CNTNAP5: variants seen among roughly 807,000 people sequenced by gnomAD.
CNTNAP5 encodes the protein contactin associated protein family member 5.
A neutral mutation model predicts 150.2 loss-of-function variants in CNTNAP5; 72 were observed. That is an observed-to-expected ratio of 0.48 (90% confidence interval 0.40 to 0.58). CNTNAP5 has a LOEUF of 0.58. CNTNAP5 is among the 20% of genes least tolerant of loss of function. The probability of loss-of-function intolerance (pLI) is 0.00; values close to 1 mark genes in which losing one functional copy is unlikely to be tolerated. For synonymous variants in CNTNAP5, 672 were observed against 619.8 expected (o/e 1.08, Z -1.25); for missense variants, 1,636 against 1,626.2 (o/e 1.01, Z -0.10).
In CNTNAP5 at chr2:124,772,421, T is replaced by C. The variant is rs149699403; in HGVS notation, c.2534-378T>C. On this transcript the variant is annotated intron_variant, in intron 16 of 23. Coordinates refer to ENST00000682447, the MANE Select transcript of CNTNAP5 (RefSeq NM_001367498.1). Reference sequence around the variant, plus strand: ...AGCACTGGACTTCCCAAGGCCTAAGTCTCCTCCCTGCAGGAGTGGAGCTGC... The same window carrying C: ...AGCACTGGACTTCCCAAGGCCTAAGCCTCCTCCCTGCAGGAGTGGAGCTGC... Among the ~76,000 whole-genome samples the C allele has an allele frequency of 6.6e-3, 1,003 of 152,234 alleles. 9 individuals are homozygous for C. Among genetic ancestry groups the C allele is most frequent in the African/African-American group, 0.022 (918 of 41,552 alleles).
At chr2:124,517,891 G>A (rs896575151) in intron 8 of CNTNAP5, among the ~76,000 whole-genome samples, 1 of 151,490 alleles carries the variant, frequency 6.6e-6, no homozygotes, top group Admixed American at 6.6e-5. Flanking sequence ...GGTGATGGAG[G>A]GTTGTGGTAT....
At chr2:124,870,163 T>C (rs961216641) in intron 21 of CNTNAP5, among the ~76,000 whole-genome samples, 1 of 151,920 alleles carries the variant, frequency 6.6e-6, no homozygotes, top group Non-Finnish European at 1.5e-5. Context: ...ATCTTTTTTT[T>C]TTTCTATTGG....
chr2:124,909,077 G>A (rs190078803), intron 22 of CNTNAP5, among the ~76,000 whole-genome samples: 66 of 152,236 alleles, frequency 4.3e-4, no homozygotes, highest in African/African-American at 1.5e-3. Context: ...TGTAGCCTAA[G>A]AGTAAAGTGT....
chr2:124,688,624 A>G (rs1417882566), intron 13 of CNTNAP5, among the ~76,000 whole-genome samples: 1 of 152,088 alleles, frequency 6.6e-6, no homozygotes, highest in Non-Finnish European at 1.5e-5. Context: ...TGGAAATACT[A>G]TGAGGCTGAG....
intron 7 of CNTNAP5, among the ~76,000 whole-genome samples, chr2:124,500,665 G>A (rs1379305335): frequency 2.0e-5 from 3 of 152,152 alleles, no homozygotes; most frequent in Non-Finnish European, 4.4e-5. Context: ...CCTGGCTAGA[G>A]TTAGATCAAG....
At chr2:124,424,075 G>C (rs978940563) in intron 4 of CNTNAP5, among the ~76,000 whole-genome samples, 1 of 152,206 alleles carries the variant, frequency 6.6e-6, no homozygotes, top group Admixed American at 6.5e-5. Flanking sequence ...GGTCGCCTCT[G>C]TTCCACACAA....
At chr2:124,604,365 T>A (rs1697055172) in intron 11 of CNTNAP5, among the ~76,000 whole-genome samples, 1 of 152,228 alleles carries the variant, frequency 6.6e-6, no homozygotes, top group African/African-American at 2.4e-5. Flanking sequence ...TTTTATATTT[T>A]AAATTTTTTT....
At position 124,858,675 on chromosome 2, in the gene CNTNAP5, G is replaced by A. The variant is rs182772127; in HGVS notation, c.3218-6631G>A. The stretch of plus-strand genomic sequence containing the variant: ...TAAGTTAGTATTTGCAAGCCTCATG[G>A]AAACATTGAGTCAAAAAGCATACAA... On this transcript the variant is annotated intron_variant, in intron 19 of 23. Coordinates refer to ENST00000682447, the MANE Select transcript of CNTNAP5 (RefSeq NM_001367498.1). Among the ~76,000 whole-genome samples the A allele has an allele frequency of 2.9e-3, 435 of 152,238 alleles. 2 individuals are homozygous for A. The highest frequency in any genetic ancestry group is 9.4e-3 in the African/African-American group (392 of 41,536).
chr2:124,810,619 C>T (rs571673225), intron 19 of CNTNAP5, among the ~76,000 whole-genome samples: 7 of 152,178 alleles, frequency 4.6e-5, no homozygotes, highest in East Asian at 3.9e-4. Flanking sequence ...CCTGTCACAA[C>T]GTGGTTCACC....
chr2:124,482,541 C>G (rs893631694), intron 7 of CNTNAP5, among the ~76,000 whole-genome samples: 18 of 152,056 alleles, frequency 1.2e-4, no homozygotes, highest in Non-Finnish European at 2.5e-4. Flanking sequence ...TGGGCAGATC[C>G]GTGAACAGCA....
At chr2:124,247,174 T>C (rs997672109) in intron 3 of CNTNAP5, among the ~76,000 whole-genome samples, 24 of 152,204 alleles carry the variant, frequency 1.6e-4, no homozygotes, top group African/African-American at 5.5e-4. Flanking sequence ...ACGTTGGGCC[T>C]AGAACATCCT....
At chr2:124,065,750 C>A (rs1225559257) in intron 1 of CNTNAP5, among the ~76,000 whole-genome samples, 2 of 152,138 alleles carry the variant, frequency 1.3e-5, no homozygotes, top group East Asian at 1.9e-4. Context: ...AATGTAGCCA[C>A]CTCCTCTCAT....
intron 19 of CNTNAP5, among the ~76,000 whole-genome samples, chr2:124,812,611 T>C (rs1008979292): frequency 2.0e-5 from 3 of 152,324 alleles, no homozygotes; most frequent in African/African-American, 4.8e-5. Context: ...TGATAAAGCT[T>C]TGGTTTCCAC....
intron 13 of CNTNAP5, among the ~76,000 whole-genome samples, chr2:124,663,565 G>A (rs1678636764): frequency 6.6e-6 from 1 of 152,140 alleles, no homozygotes; most frequent in African/African-American, 2.4e-5. Flanking sequence ...AGTAGTTGCA[G>A]AATCCATTTT....
At chr2:124,714,451 A>G (rs1679904403) in intron 13 of CNTNAP5, among the ~76,000 whole-genome samples, 1 of 152,076 alleles carries the variant, frequency 6.6e-6, no homozygotes, top group African/African-American at 2.4e-5. Flanking sequence ...CTAGCCCTTC[A>G]GTTTTGAGTA....
At chr2:124,233,394 T>G (rs1180456573) in intron 2 of CNTNAP5, among the ~76,000 whole-genome samples, 2 of 152,114 alleles carry the variant, frequency 1.3e-5, no homozygotes, top group African/African-American at 4.8e-5. Flanking sequence ...AACCTATGTT[T>G]TCCCAAGTTC....
chr2:124,152,827 C>T (rs187700863), intron 1 of CNTNAP5, among the ~76,000 whole-genome samples: 39 of 152,212 alleles, frequency 2.6e-4, no homozygotes, highest in African/African-American at 4.3e-4. Context: ...TATACTTCTC[C>T]GCTTGGCAAT....
intron 14 of CNTNAP5, among the ~76,000 whole-genome samples, chr2:124,759,849 T>C (rs1230620573): frequency 6.6e-6 from 1 of 151,546 alleles, no homozygotes. Context: ...GACTGTATAT[T>C]TGACCACTCA....
At chr2:124,159,891 A>G (rs941879313) in intron 1 of CNTNAP5, among the ~76,000 whole-genome samples, 4 of 152,318 alleles carry the variant, frequency 2.6e-5, no homozygotes, top group South Asian at 2.1e-4. Flanking sequence ...GGATAAATGC[A>G]TTTGAAGAAG....
Sources: gnomAD v4.1 joint callset for allele counts (sites outside exome capture counted in the v4.1 genomes callset) on GRCh38, gnomAD v4.1.1 for gene constraint, MANE v1.5 for transcripts, NCBI Gene and HGNC (gene_info 2026-07-23, HGNC 2026-07-21) for gene names.